Variants in LRP1B observed in about 807,000 individuals in gnomAD.
The protein encoded by LRP1B is low-density lipoprotein receptor-related protein 1B.
Under a neutral mutation model 556.6 loss-of-function variants are expected in LRP1B, and 217 were observed. The ratio of observed to expected loss-of-function variants is 0.39; its 90% confidence interval spans 0.35 to 0.44. LRP1B has a LOEUF of 0.44. Among genes scored for constraint, LRP1B ranks in the 20% least tolerant of loss-of-function variants. The probability of loss-of-function intolerance (pLI) is 1.00; values close to 1 mark genes in which losing one functional copy is unlikely to be tolerated. For synonymous variants in LRP1B, 2,047 were observed against 1,865.8 expected (o/e 1.10, Z -2.50); for missense variants, 5,053 against 5,620.8 (o/e 0.90, Z 3.23).
At chr2:140,475,423 T>C (rs1466041022) in intron 59 of LRP1B, 86 bp from the exon 60 acceptor site, 1 of 966,896 alleles carries the variant, frequency 1.0e-6, no homozygotes, top group Non-Finnish European at 1.5e-6. Flanking sequence ...TGCTCAACTG[T>C]TCCCACATTA....
chr2:141,776,833 C>T (rs2105628689), intron 2 of LRP1B, among the ~76,000 whole-genome samples: 1 of 152,264 alleles, frequency 6.6e-6, no homozygotes, highest in South Asian at 2.1e-4. Context: ...TCAATGATAA[C>T]TAATAATAGA....
chr2:141,430,728 C>G (rs1005033745), intron 3 of LRP1B, among the ~76,000 whole-genome samples: 1 of 152,010 alleles, frequency 6.6e-6, no homozygotes, highest in African/African-American at 2.4e-5. Context: ...AATATTAAAG[C>G]TATTCCCTAA....
At chr2:140,442,915 T>G (rs1204984597) in intron 65 of LRP1B, among the ~76,000 whole-genome samples, 5 of 152,130 alleles carry the variant, frequency 3.3e-5, no homozygotes, top group Non-Finnish European at 4.4e-5. Flanking sequence ...AATTAAGAAT[T>G]CAGGGACTTT....
chr2:142,014,433 T>G (rs551286339), intron 1 of LRP1B, among the ~76,000 whole-genome samples: 1 of 152,292 alleles, frequency 6.6e-6, no homozygotes, highest in East Asian at 1.9e-4. Flanking sequence ...GGAAAGATTA[T>G]GATTGAAAAT....
chr2:141,104,917 T>C (rs1183995277), intron 7 of LRP1B, among the ~76,000 whole-genome samples: 5 of 152,080 alleles, frequency 3.3e-5, no homozygotes, highest in Middle Eastern at 3.2e-3. Context: ...AAGAGATCAA[T>C]TCATGGAATA....
intron 77 of LRP1B, among the ~76,000 whole-genome samples, chr2:140,336,833 A>G (rs577367441): frequency 1.3e-5 from 2 of 151,982 alleles, no homozygotes; most frequent in South Asian, 4.2e-4. Flanking sequence ...TTGAGCAGGA[A>G]CTAGTGTAGT....
At chr2:141,146,952 G>GC (rs1218795101) in intron 7 of LRP1B, among the ~76,000 whole-genome samples, 1 of 152,038 alleles carries the variant, frequency 6.6e-6, no homozygotes, top group African/African-American at 2.4e-5. Flanking sequence ...TCTGTTCTTT[G>GC]CCCCAGGAAG....
intron 26 of LRP1B, 118 bp from the exon 27 acceptor site, chr2:140,867,952 T>G (rs1693002057): frequency 7.7e-7 from 1 of 1,295,720 alleles, no homozygotes; most frequent in Non-Finnish European, 1.0e-6. Context: ...TTTATGGGTC[T>G]GTATCTGATT....
At chr2:141,162,724 C>T (rs1680089164) in intron 7 of LRP1B, among the ~76,000 whole-genome samples, 1 of 151,960 alleles carries the variant, frequency 6.6e-6, no homozygotes, top group Non-Finnish European at 1.5e-5. Context: ...GGAATAAAAA[C>T]AATAATATTG....
chr2:141,208,302 G>A (rs1020155642), intron 6 of LRP1B: 1 of 152,240 alleles, frequency 6.6e-6, no homozygotes, highest in Non-Finnish European at 1.5e-5. Context: ...AGTAGCTTGT[G>A]TTGCAGGGTA....
chr2:141,522,060 A>G (rs1009354116), intron 2 of LRP1B, among the ~76,000 whole-genome samples: 1 of 152,112 alleles, frequency 6.6e-6, no homozygotes, highest in African/African-American at 2.4e-5. Context: ...AGCATACATT[A>G]CTCTAAATCA....
chr2:141,698,707 C>A (rs537595516), intron 2 of LRP1B, among the ~76,000 whole-genome samples: 1 of 150,520 alleles, frequency 6.6e-6, no homozygotes, highest in African/African-American at 2.4e-5. Flanking sequence ...ATAGCAACTG[C>A]AGTATGTTTG....
chr2:141,264,153 C>T (rs770454392), intron 3 of LRP1B, among the ~76,000 whole-genome samples: 3 of 152,078 alleles, frequency 2.0e-5, no homozygotes, highest in African/African-American at 7.2e-5. Flanking sequence ...ATAAGTAAAA[C>T]GGTTTCTGTT....
chr2:140,418,455 A>T (rs1459055097), intron 66 of LRP1B, among the ~76,000 whole-genome samples: 2 of 152,164 alleles, frequency 1.3e-5, no homozygotes, highest in South Asian at 2.1e-4. Flanking sequence ...CGGTGGTCTT[A>T]AAAGTATGTT....
At chr2:141,984,099 G>A (rs1466093861) in intron 1 of LRP1B, among the ~76,000 whole-genome samples, 1 of 152,124 alleles carries the variant, frequency 6.6e-6, no homozygotes, top group Admixed American at 6.6e-5. Context: ...ATTTAGTCCA[G>A]CCTGCTGGAG....
At chr2:141,074,585 C>A (rs1332622846) in intron 7 of LRP1B, among the ~76,000 whole-genome samples, 69 of 94,392 alleles carry the variant, frequency 7.3e-4, no homozygotes, top group Non-Finnish European at 1.1e-3. Flanking sequence ...CTCTCTCTCT[C>A]TCTCTATATA....
intron 69 of LRP1B, among the ~76,000 whole-genome samples, chr2:140,371,719 C>T (rs996040664): frequency 6.6e-6 from 1 of 151,742 alleles, no homozygotes; most frequent in African/African-American, 2.4e-5. Flanking sequence ...TTAATTCTTA[C>T]ATTCACTGTA....
At chr2:141,994,423 G>A (rs1316925807) in intron 1 of LRP1B, among the ~76,000 whole-genome samples, 1 of 152,140 alleles carries the variant, frequency 6.6e-6, no homozygotes, top group African/African-American at 2.4e-5. Context: ...TGTAGACTAT[G>A]AAAATGAGCT....
rs573088792 is a variant in LRP1B, at chr2:141,195,933, A to T, written c.851-7350T>A. Among the ~76,000 whole-genome samples the T allele has an allele frequency of 9.2e-5, 14 of 152,198 alleles. No homozygotes were observed. The South Asian group carries it at 2.9e-3, about 32-fold the overall frequency. ...ATGTGAACTGAGCTCTGACAAGAAG[A>T]TGCTAGCCATGTGGAATTTGGGCAG... On this transcript the variant is annotated intron_variant, in intron 6 of 90. Coordinates refer to ENST00000389484, the MANE Select transcript of LRP1B (RefSeq NM_018557.3).
Sources: gnomAD v4.1 joint callset for allele counts (sites outside exome capture counted in the v4.1 genomes callset) on GRCh38, gnomAD v4.1.1 for gene constraint, MANE v1.5 for transcripts, NCBI Gene and HGNC (gene_info 2026-07-23, HGNC 2026-07-21) for gene names.